Variants in LAMA2 observed in about 807,000 individuals in gnomAD.
The protein encoded by LAMA2 is laminin subunit alpha 2.
A neutral mutation model predicts 364.8 loss-of-function variants in LAMA2; 269 were observed. The ratio of observed to expected loss-of-function variants is 0.74; its 90% confidence interval spans 0.67 to 0.82. The LOEUF is 0.82. Among genes scored for constraint, LAMA2 ranks in the 40% least tolerant of loss-of-function variants. The probability of loss-of-function intolerance (pLI) is 0.00; values close to 1 mark genes in which losing one functional copy is unlikely to be tolerated. For missense variants in LAMA2, 3,807 were observed against 3,873.2 expected (o/e 0.98, Z 0.45); for synonymous variants, 1,379 against 1,370.6 (o/e 1.01, Z -0.14).
chr6:129,179,580 A>T (rs559277098), intron 10 of LAMA2, among the ~76,000 whole-genome samples: 2 of 152,324 alleles, frequency 1.3e-5, no homozygotes, highest in Non-Finnish European at 2.9e-5. Flanking sequence ...ACTGAGAATT[A>T]TTATAATCCT....
At chr6:129,088,212 G>A (rs963121850) in intron 3 of LAMA2, among the ~76,000 whole-genome samples, 1 of 151,152 alleles carries the variant, frequency 6.6e-6, no homozygotes, top group Non-Finnish European at 1.5e-5. Context: ...GGGGTTGGGA[G>A]TAAGGTCATA....
At chr6:129,172,057 A>G (rs1780198287) in intron 9 of LAMA2, among the ~76,000 whole-genome samples, 1 of 142,372 alleles carries the variant, frequency 7.0e-6, no homozygotes, top group Admixed American at 7.1e-5. Context: ...TGTATTGGTT[A>G]TTCTAGTTAT....
chr6:129,155,889 C>T (rs75981127), intron 8 of LAMA2, among the ~76,000 whole-genome samples: 2,911 of 151,854 alleles, frequency 0.019, 111 homozygotes, highest in African/African-American at 0.065. Context: ...ATCAACTTGT[C>T]AATTACAGAA....
intron 55 of LAMA2, among the ~76,000 whole-genome samples, chr6:129,484,199 C>T (rs1784486968): frequency 6.6e-6 from 1 of 152,084 alleles, no homozygotes. Context: ...GTCCTTGTCC[C>T]CAAAAGGGGA....
intron 1 of LAMA2, among the ~76,000 whole-genome samples, chr6:128,933,521 CTATT>C (rs973452587): frequency 1.3e-5 from 2 of 152,092 alleles, no homozygotes; most frequent in Admixed American, 6.5e-5. Flanking sequence ...GTGGCTATGC[CTATT>C]TACATTCCCA....
At chr6:129,326,675 A>T (rs1372516532) in intron 28 of LAMA2, among the ~76,000 whole-genome samples, 1 of 146,174 alleles carries the variant, frequency 6.8e-6, no homozygotes, top group Admixed American at 6.9e-5. Flanking sequence ...AAGTATGTCA[A>T]TAACACAACA....
At chr6:129,502,170 T>C (rs907870753) in intron 58 of LAMA2, among the ~76,000 whole-genome samples, 4 of 152,314 alleles carry the variant, frequency 2.6e-5, no homozygotes, top group Admixed American at 2.6e-4. Flanking sequence ...CTTGAAAGTC[T>C]ACATTCATGG....
At chr6:129,052,188 T>C (rs981286729) in intron 2 of LAMA2, among the ~76,000 whole-genome samples, 106 of 149,754 alleles carry the variant, frequency 7.1e-4, no homozygotes, top group African/African-American at 2.4e-3. Context: ...CAGGCTGCAG[T>C]GCAGTGGCGC....
intron 27 of LAMA2, among the ~76,000 whole-genome samples, chr6:129,319,387 TATA>T (rs1438479329): frequency 2.0e-5 from 3 of 152,214 alleles, no homozygotes; most frequent in Non-Finnish European, 4.4e-5. Context: ...GGAATATCTT[TATA>T]ATAACTTTTC....
At chr6:129,122,414 G>A (rs1004953964) in intron 4 of LAMA2, among the ~76,000 whole-genome samples, 7 of 152,090 alleles carry the variant, frequency 4.6e-5, no homozygotes, top group South Asian at 4.2e-4. Flanking sequence ...CCATCTTACC[G>A]ATACTTAGAG....
In LAMA2 at chr6:129,398,472, CTTTTTTTTT is replaced by C. The variant is rs71028159; in HGVS notation, c.5446-2740_5446-2732del. ...TTTTCTTTTTTCTTTCTTTTCTTTT[CTTTTTTTTT>C]TTTTTTTTTTTGAGACAGAGTTTCG... On this transcript the variant is annotated intron_variant, in intron 37 of 64. Transcript: ENST00000421865. Among the ~76,000 whole-genome samples, 7 of 110,514 alleles carry C rather than the reference CTTTTTTTTT, an allele frequency of 6.3e-5. No individual in the cohort carries two copies. In the East Asian group the frequency reaches 1.1e-3, roughly 17 times the overall value. 72.5% of individuals were successfully genotyped at this position (110,514 alleles called of 152,430 possible). A position where few individuals can be genotyped will look rare whatever the true frequency, so the allele number is the denominator to read the frequency against.
At chr6:129,120,988 CA>C (rs1776773796) in intron 4 of LAMA2, among the ~76,000 whole-genome samples, 1 of 152,098 alleles carries the variant, frequency 6.6e-6, no homozygotes, top group Admixed American at 6.6e-5. Flanking sequence ...CTGGACTTTT[CA>C]AGGAGCCTGT....
At chr6:129,299,959 C>T (rs535526394) in intron 21 of LAMA2, among the ~76,000 whole-genome samples, 14 of 152,232 alleles carry the variant, frequency 9.2e-5, no homozygotes, top group East Asian at 7.7e-4. Context: ...TGACATGAAA[C>T]GCTGCACTAG....
At chr6:129,163,908 T>C (rs1779588192) in intron 8 of LAMA2, among the ~76,000 whole-genome samples, 1 of 152,228 alleles carries the variant, frequency 6.6e-6, no homozygotes, top group Admixed American at 6.5e-5. Context: ...CTCCATACCT[T>C]CACTCATTAT....
rs1775304574 is a variant in LAMA2, at chr6:129,098,252, A to T, written c.476A>T (p.Asp159Val). 1.2e-6 allele frequency: 2 copies of T among 1,614,018 alleles called. No individual in the cohort carries two copies. The highest frequency in any genetic ancestry group is 4.5e-5 in the East Asian group (2 of 44,846). The stretch of plus-strand genomic sequence containing the variant: ...AACTGGATTTTGGAACGCTCTCTTG[A>T]TGATGTTGAATACAAGCCCTGGCAG... ...PGNWILERSL[D>V]DVEYKPWQYH... The change falls in exon 4 of 65, where the codon GAT becomes GTT. Residue 159 changes from aspartate (D) to valine (V), a missense_variant. Asp to Val is a radical substitution (Grantham distance 152). Transcript: ENST00000421865.
At chr6:129,499,758 T>C (rs1384030073) in intron 58 of LAMA2, among the ~76,000 whole-genome samples, 1 of 152,142 alleles carries the variant, frequency 6.6e-6, no homozygotes, top group African/African-American at 2.4e-5. Flanking sequence ...TGCTCTACTG[T>C]CCAGGTTGGA....
intron 15 of LAMA2, among the ~76,000 whole-genome samples, chr6:129,263,067 T>G (rs1273832550): frequency 6.6e-6 from 1 of 152,154 alleles, no homozygotes; most frequent in Non-Finnish European, 1.5e-5. Context: ...GATATACTAT[T>G]AAAAAGAGTG....
At chr6:129,402,181 C>G in intron 38 of LAMA2, 143 bp from the exon 39 acceptor site, 2 of 630,132 alleles carry the variant, frequency 3.2e-6, no homozygotes, top group East Asian at 6.1e-5. Flanking sequence ...TGCATTCCAG[C>G]CTGGGTGACA....
At chr6:129,051,452 C>T (rs1788006751) in intron 2 of LAMA2, among the ~76,000 whole-genome samples, 1 of 148,952 alleles carries the variant, frequency 6.7e-6, no homozygotes, top group Admixed American at 6.7e-5. Context: ...AGCTGGATTA[C>T]AGGCACGTGA....
Sources: gnomAD v4.1 joint callset for allele counts (sites outside exome capture counted in the v4.1 genomes callset) on GRCh38, gnomAD v4.1.1 for gene constraint, MANE v1.5 for transcripts, NCBI Gene and HGNC (gene_info 2026-07-23, HGNC 2026-07-21) for gene names.